The following AFF3 variants were observed in gnomAD, a reference collection of about 807,000 sequenced individuals.
The protein encoded by AFF3 is AF4/FMR2 family member 3.
A neutral mutation model predicts 129.7 loss-of-function variants in AFF3; 32 were observed. The ratio of observed to expected loss-of-function variants is 0.25; its 90% CI spans 0.19 to 0.33. AFF3 has a LOEUF of 0.33. Among genes scored for constraint, AFF3 ranks in the 10% least tolerant of loss-of-function variants. The probability of loss-of-function intolerance (pLI) is 1.00; values close to 1 mark genes in which losing one functional copy is unlikely to be tolerated. For synonymous variants in AFF3, 644 were observed against 635.4 expected, an observed-to-expected ratio of 1.01 and a Z score of -0.20; for missense variants, 1,373 against 1,592.0, an observed-to-expected ratio of 0.86 and a Z score of 2.34.
intron 13 of AFF3, among the ~76,000 whole-genome samples, chr2:99,620,256 T>C (rs533654705): frequency 6.6e-6 from 1 of 152,292 alleles, no homozygotes; most frequent in African/African-American, 2.4e-5. Flanking sequence ...GTGACCCACA[T>C]GAAGAGATGG....
At chr2:99,720,494 G>A (rs1678792075) in intron 11 of AFF3, among the ~76,000 whole-genome samples, 1 of 152,106 alleles carries the variant, frequency 6.6e-6, no homozygotes, top group South Asian at 2.1e-4. Flanking sequence ...CAGAAGCCAA[G>A]CAGATGCTGA....
chr2:99,580,556 G>C (rs1402174342), intron 17 of AFF3, among the ~76,000 whole-genome samples: 1 of 152,156 alleles, frequency 6.6e-6, no homozygotes, highest in Admixed American at 6.5e-5. Flanking sequence ...ACGTTGCACA[G>C]GACAGCCCCA....
Position 99,582,807 on chromosome 2 carries a change from T to C in AFF3, c.2784A>G (p.Gly928=). ...AAGAGCATCAACAAACCGTGAGGTC[T>C]CCGCCGTGAGGCTGCAGCTGGCTGT... ...KADSQLQPHG[G]DLTKAAHNNS... Residue 928 remains glycine, a synonymous_variant, in exon 17 of 25, where the codon GGA becomes GGG. Coordinates refer to ENST00000672756, the MANE Select transcript of AFF3 (RefSeq NM_001386135.1). The C allele has an allele frequency of 1.2e-6, 2 of 1,614,096 alleles. No homozygotes were observed. The highest frequency in any genetic ancestry group is 1.7e-6 in the Non-Finnish European group (2 of 1,179,998).
intron 7 of AFF3, among the ~76,000 whole-genome samples, chr2:99,973,355 T>C (rs1234799667): frequency 1.3e-5 from 2 of 152,192 alleles, no homozygotes; most frequent in Non-Finnish European, 2.9e-5. Flanking sequence ...GGACTTCTAC[T>C]GTGTTGACAT....
At position 99,962,411 on chromosome 2, in the gene AFF3, G is replaced by A. The variant is rs568283276; in HGVS notation, c.873+44221C>T. Among the ~76,000 whole-genome samples, 3 of 152,220 alleles carry A rather than the reference G, an allele frequency of 2.0e-5. No individual in the cohort carries two copies. The South Asian group carries it at 6.2e-4, about 32-fold the overall frequency. ...GAACCAGGAAAATCACAACCTGAATGGGAAAATACAATTAGATGATGCCAA... is the reference window on the plus strand; with the variant it reads ...GAACCAGGAAAATCACAACCTGAATAGGAAAATACAATTAGATGATGCCAA... On this transcript the variant is annotated intron_variant, in intron 7 of 24. Coordinates refer to ENST00000672756, the MANE Select transcript of AFF3 (RefSeq NM_001386135.1).
At chr2:99,655,244 AC>A (rs1685646004) in intron 12 of AFF3, among the ~76,000 whole-genome samples, 1 of 151,574 alleles carries the variant, frequency 6.6e-6, no homozygotes, top group African/African-American at 2.4e-5. Flanking sequence ...ACACACACAC[AC>A]ACACACACAC....
chr2:99,651,474 C>T (rs1313695752), intron 12 of AFF3, among the ~76,000 whole-genome samples: 1 of 151,562 alleles, frequency 6.6e-6, no homozygotes, highest in Admixed American at 6.6e-5. Flanking sequence ...CAGAGTATCT[C>T]TTTGTCACCC....
intron 4 of AFF3, among the ~76,000 whole-genome samples, chr2:100,010,377 C>G (rs906641508): frequency 7.2e-5 from 11 of 152,094 alleles, no homozygotes; most frequent in African/African-American, 2.7e-4. Flanking sequence ...TAGCTCTGCC[C>G]GTGTGGCTGG....
rs547406504 is a variant in AFF3, at chr2:99,999,138, G to A, written c.873+7494C>T. Among the ~76,000 whole-genome samples the A allele has an allele frequency of 3.9e-5, 6 of 152,312 alleles. No individual in the cohort carries two copies. The South Asian group carries it at 1.0e-3, about 26-fold the overall frequency. On this transcript the variant is annotated intron_variant, in intron 7 of 24. Transcript: ENST00000672756. ...AGGAAAAAGAGGCAGAGAACACAGCGTCCCACTCAGAGCACTGCCTGTTAA... is the reference window on the plus strand; with the variant it reads ...AGGAAAAAGAGGCAGAGAACACAGCATCCCACTCAGAGCACTGCCTGTTAA...
intron 9 of AFF3, among the ~76,000 whole-genome samples, chr2:99,744,356 G>C (rs1467220642): frequency 6.6e-6 from 1 of 152,082 alleles, no homozygotes; most frequent in Non-Finnish European, 1.5e-5. Context: ...TTGTATTAAT[G>C]ACTTTCTGTT....
chr2:99,753,737 G>A (rs1400874891), intron 8 of AFF3, among the ~76,000 whole-genome samples: 2 of 152,186 alleles, frequency 1.3e-5, no homozygotes, highest in Non-Finnish European at 2.9e-5. Context: ...ACCACGACAC[G>A]TGACACAGAC....
intron 10 of AFF3, among the ~76,000 whole-genome samples, chr2:99,731,949 A>G (rs1274733766): frequency 6.6e-6 from 1 of 152,258 alleles, no homozygotes; most frequent in Non-Finnish European, 1.5e-5. Context: ...AGACACTTTC[A>G]AAGCATTAAA....
chr2:100,131,560 A>G (rs1277141813), intron 1 of AFF3, among the ~76,000 whole-genome samples: 1 of 152,088 alleles, frequency 6.6e-6, no homozygotes, highest in Non-Finnish European at 1.5e-5. Context: ...CCCGGGTTCA[A>G]GTGATTCTCC....
intron 7 of AFF3, among the ~76,000 whole-genome samples, chr2:99,878,325 A>G (rs1553471143): frequency 6.6e-6 from 1 of 152,154 alleles, no homozygotes; most frequent in Non-Finnish European, 1.5e-5. Flanking sequence ...TTGCAATGGA[A>G]CGCTCTTCCC....
chr2:100,035,971 A>G (rs537033328), intron 4 of AFF3, among the ~76,000 whole-genome samples: 1 of 152,022 alleles, frequency 6.6e-6, no homozygotes, highest in South Asian at 2.1e-4. Context: ...CAATGAGGCT[A>G]CTTCAAGGAA....
intron 24 of AFF3, 96 bp from the exon 25 acceptor site, chr2:99,551,691 T>C (rs974402393): frequency 3.4e-6 from 5 of 1,474,298 alleles, no homozygotes; most frequent in Non-Finnish European, 4.7e-6. Context: ...ATGGTCTCTA[T>C]ATAAATCAAG....
chr2:99,817,451 G>T (rs186298407), intron 8 of AFF3, among the ~76,000 whole-genome samples: 1 of 152,300 alleles, frequency 6.6e-6, no homozygotes, highest in Admixed American at 6.5e-5. Context: ...TCTCCCAAAG[G>T]AGTTTTCTGT....
At chr2:99,662,864 AC>A (rs1323505612) in intron 12 of AFF3, among the ~76,000 whole-genome samples, 182 of 152,288 alleles carry the variant, frequency 1.2e-3, no homozygotes, top group African/African-American at 4.3e-3. Flanking sequence ...TGTCACGCTG[AC>A]TGGATGAACC....
At chr2:99,563,638 C>A (rs1422808798) in intron 20 of AFF3, among the ~76,000 whole-genome samples, 4 of 150,970 alleles carry the variant, frequency 2.6e-5, no homozygotes, top group African/African-American at 4.9e-5. Context: ...TGGAGAAACC[C>A]CATCTCTACT....
Sources: gnomAD v4.1 joint callset for allele counts (sites outside exome capture counted in the v4.1 genomes callset) on GRCh38, gnomAD v4.1.1 for gene constraint, MANE v1.5 for transcripts, NCBI Gene and HGNC (gene_info 2026-07-23, HGNC 2026-07-21) for gene names.